Variants in NELL2 observed in about 807,000 individuals in gnomAD.
The protein encoded by NELL2 is protein kinase C-binding protein NELL2.
NELL2 carries 41 observed loss-of-function variants against 109.6 expected under a neutral mutation model. That is an observed-to-expected ratio of 0.37 (90% CI 0.29 to 0.49). NELL2 has a LOEUF of 0.49. Ranked by LOEUF, NELL2 falls within the 20% of genes least tolerant of loss-of-function variation. NELL2 has a pLI of 0.98. For missense variants in NELL2, 900 were observed against 1,008.3 expected, an observed-to-expected ratio of 0.89 and a Z score of 1.45; for synonymous variants, 355 against 344.7, an observed-to-expected ratio of 1.03 and a Z score of -0.33.
intron 13 of NELL2, among the ~76,000 whole-genome samples, chr12:44,611,684 G>A (rs1945630500): frequency 1.3e-5 from 2 of 152,080 alleles, no homozygotes; most frequent in Admixed American, 1.3e-4. Context: ...TGTGGGAGAG[G>A]CAGAACCAAT....
chr12:44,776,480 T>G (rs1347445686), intron 7 of NELL2, among the ~76,000 whole-genome samples: 1 of 152,166 alleles, frequency 6.6e-6, no homozygotes, highest in Non-Finnish European at 1.5e-5. Flanking sequence ...TTTATATGCT[T>G]CTTCAAGTAA....
chr12:44,723,755 G>T (rs1463505602), intron 9 of NELL2, among the ~76,000 whole-genome samples: 3 of 151,814 alleles, frequency 2.0e-5, no homozygotes, highest in Non-Finnish European at 4.4e-5. Flanking sequence ...ATAATTTCAG[G>T]GTACCTTTTT....
At position 44,817,143 on chromosome 12, in the gene NELL2, T is replaced by C. The variant is rs1943380547; in HGVS notation, c.185-1007A>G. 3.9e-5 allele frequency among the ~76,000 whole-genome samples: 6 copies of C among 152,216 alleles called. No individual in the cohort carries two copies. The South Asian group carries it at 1.2e-3, about 31-fold the overall frequency. Reference sequence around the variant, plus strand: ...TGCACTGTAAAACATTTAGCACTCCTGGGTCCCTGGCCAACAAATGTCAGT... The same window carrying C: ...TGCACTGTAAAACATTTAGCACTCCCGGGTCCCTGGCCAACAAATGTCAGT... On this transcript the variant is annotated intron_variant, in intron 2 of 19. Coordinates refer to ENST00000429094, the MANE Select transcript of NELL2 (RefSeq NM_001145108.2).
At chr12:44,881,049 T>C (rs968679665), upstream of NELL2, 5 of 151,994 alleles carry the variant, frequency 3.3e-5, no homozygotes, top group Non-Finnish European at 5.9e-5. Flanking sequence ...TGTTGCACAG[T>C]TGCATACTAC....
intron 15 of NELL2, among the ~76,000 whole-genome samples, chr12:44,572,074 A>G (rs1943893095): frequency 6.6e-6 from 1 of 152,172 alleles, no homozygotes; most frequent in South Asian, 2.1e-4. Context: ...AAGAAATTCT[A>G]TTATTCCATG....
intron 3 of NELL2, among the ~76,000 whole-genome samples, chr12:44,783,545 G>A (rs1207437830): frequency 6.6e-6 from 1 of 151,834 alleles, no homozygotes; most frequent in African/African-American, 2.4e-5. Flanking sequence ...GATATTGAAA[G>A]GTTAATATGG....
In NELL2 at chr12:44,875,925, A is replaced by G. The variant is rs894608818; in HGVS notation, c.-56T>C. ...TCTTTAAAAATAAAAATAAAAATCG[A>G]AGAGGTTCTTGGAATCAAGCGGGAA... On this transcript the variant is annotated 5_prime_UTR_variant, in exon 1 of 20. Transcript: ENST00000429094. The G allele has an allele frequency of 6.2e-7, 1 of 1,610,990 alleles. No homozygotes were observed. Among genetic ancestry groups the G allele is most frequent in the Non-Finnish European group, 8.5e-7 (1 of 1,179,908 alleles).
Position 44,831,581 on chromosome 12 carries a change from C to G in NELL2, c.185-15445G>C, listed in dbSNP as rs975686990. On this transcript the variant is annotated intron_variant, in intron 2 of 19. Transcript: ENST00000429094. The stretch of plus-strand genomic sequence containing the variant: ...ACTTTTATCAGGGCACACATGGTTT[C>G]CCAGATAGAAACTTCATTCCCCTAT... Among the ~76,000 whole-genome samples, 3 of 152,098 alleles carry G rather than the reference C, an allele frequency of 2.0e-5. No individual in the cohort carries two copies. The East Asian group carries it at 5.8e-4, about 29-fold the overall frequency.
intron 9 of NELL2, among the ~76,000 whole-genome samples, chr12:44,720,067 C>T (rs1168823762): frequency 1.3e-5 from 2 of 152,130 alleles, no homozygotes; most frequent in Non-Finnish European, 1.5e-5. Flanking sequence ...GGAGTCAATT[C>T]TTAACAATAT....
At chr12:44,846,399 A>G (rs1487737693) in intron 2 of NELL2, among the ~76,000 whole-genome samples, 1 of 152,206 alleles carries the variant, frequency 6.6e-6, no homozygotes, top group Non-Finnish European at 1.5e-5. Flanking sequence ...TGACTTCTTT[A>G]GTGCCACTGT....
At chr12:44,728,936 T>G (rs1939219847) in intron 9 of NELL2, among the ~76,000 whole-genome samples, 1 of 151,942 alleles carries the variant, frequency 6.6e-6, no homozygotes, top group Admixed American at 6.6e-5. Context: ...CAAAAGCTGA[T>G]GAAGTTTATC....
intron 15 of NELL2, among the ~76,000 whole-genome samples, chr12:44,557,532 T>G (rs1335867998): frequency 6.6e-6 from 1 of 152,140 alleles, no homozygotes; most frequent in Non-Finnish European, 1.5e-5. Flanking sequence ...AGGTGGAATC[T>G]ACAAGACTTG....
chr12:44,694,550 C>CACACACAT (rs1948998915), intron 12 of NELL2, among the ~76,000 whole-genome samples: 1 of 151,458 alleles, frequency 6.6e-6, no homozygotes, highest in Non-Finnish European at 1.5e-5. Context: ...CACACACACA[C>CACACACAT]ATCCTGTTTG....
intron 15 of NELL2, among the ~76,000 whole-genome samples, chr12:44,602,830 T>C (rs549488412): frequency 1.4e-4 from 21 of 152,272 alleles, no homozygotes; most frequent in African/African-American, 4.6e-4. Flanking sequence ...ATACCTTTTA[T>C]GATGAAAAAT....
In NELL2 at chr12:44,920,248, G is replaced by T. The variant is rs144820399; in HGVS notation, c.-32+1542C>A. The stretch of plus-strand genomic sequence containing the variant: ...AAATAATGAAATCACAAATGCTAAA[G>T]TAGATAAAGAAGATAATGAGATATA... On this transcript the variant is annotated intron_variant, in intron 1 of 9. Coordinates refer to the NELL2 transcript ENST00000552993. 4.0e-3 allele frequency among the ~76,000 whole-genome samples: 612 copies of T among 152,238 alleles called. 3 individuals are homozygous for T. The highest frequency in any genetic ancestry group is 5.1e-3 in the Non-Finnish European group (347 of 67,990).
intron 12 of NELL2, among the ~76,000 whole-genome samples, chr12:44,668,475 T>C (rs1345458416): frequency 6.6e-6 from 1 of 152,080 alleles, no homozygotes; most frequent in Non-Finnish European, 1.5e-5. Flanking sequence ...GACCTGAGGA[T>C]TGATCCATCC....
intron 9 of NELL2, among the ~76,000 whole-genome samples, chr12:44,730,095 G>A (rs1939291720): frequency 6.6e-6 from 1 of 152,072 alleles, no homozygotes; most frequent in Non-Finnish European, 1.5e-5. Context: ...ATGAATATAT[G>A]ACAATTATAA....
At chr12:44,836,813 C>A (rs1944068091) in intron 2 of NELL2, among the ~76,000 whole-genome samples, 1 of 152,130 alleles carries the variant, frequency 6.6e-6, no homozygotes, top group African/African-American at 2.4e-5. Flanking sequence ...TAATTATGTT[C>A]TTTTGAAATA....
rs148824529 is a variant in NELL2 at position 44,809,349 on chromosome 12, T to A, written c.335+6637A>T. Among the ~76,000 whole-genome samples the A allele has an allele frequency of 4.9e-3, 742 of 152,196 alleles. 6 individuals are homozygous for A. Among genetic ancestry groups the A allele is most frequent in the African/African-American group, 0.017 (702 of 41,554 alleles). On this transcript the variant is annotated intron_variant, in intron 3 of 19. Transcript: ENST00000429094. ...GTATAAATGGATAAATGAATCAATA[T>A]GTTAAAAATATTTCTCTATTCTCTA...
Sources: gnomAD v4.1 joint callset for allele counts (sites outside exome capture counted in the v4.1 genomes callset) on GRCh38, gnomAD v4.1.1 for gene constraint, MANE v1.5 for transcripts, NCBI Gene and HGNC (gene_info 2026-07-23, HGNC 2026-07-21) for gene names.